The following CALN1 variants were observed in gnomAD, a reference collection of about 807,000 sequenced individuals.
CALN1 encodes the protein calneuron 1.
In CALN1, 17 loss-of-function variants were observed where a neutral mutation model predicts 30.6. The observed-to-expected ratio is 0.56, with a 90% CI of 0.38 to 0.83. The LOEUF is 0.83. Among genes scored for constraint, CALN1 ranks in the 40% least tolerant of loss-of-function variants. The probability of loss-of-function intolerance (pLI) is 0.00; values close to 1 mark genes in which losing one functional copy is unlikely to be tolerated. For synonymous variants in CALN1, 156 were observed against 131.4 expected (o/e 1.19, Z -1.28); for missense variants, 291 against 354.9 (o/e 0.82, Z 1.45).
At chr7:71,829,175 C>G (rs1789113676) in intron 5 of CALN1, among the ~76,000 whole-genome samples, 1 of 152,184 alleles carries the variant, frequency 6.6e-6, no homozygotes, top group Non-Finnish European at 1.5e-5. Context: ...GCAAAATAAA[C>G]TTTCTAAATT....
chr7:71,993,692 A>C (rs2129528021), intron 5 of CALN1, among the ~76,000 whole-genome samples: 1 of 152,186 alleles, frequency 6.6e-6, no homozygotes, highest in South Asian at 2.1e-4. Flanking sequence ...CCTGGGCTCA[A>C]GTAATCCACC....
At chr7:72,051,301 GAA>G (rs1802823712) in intron 4 of CALN1, among the ~76,000 whole-genome samples, 1 of 151,862 alleles carries the variant, frequency 6.6e-6, no homozygotes, top group Non-Finnish European at 1.5e-5. Flanking sequence ...CACAAATACA[GAA>G]GAGATAAAAA....
chr7:72,032,601 G>A (rs1801529627), intron 4 of CALN1, among the ~76,000 whole-genome samples: 2 of 152,216 alleles, frequency 1.3e-5, no homozygotes, highest in East Asian at 3.9e-4. Flanking sequence ...CAAAGTTTGA[G>A]AGTTATAGTA....
intron 5 of CALN1, among the ~76,000 whole-genome samples, chr7:71,835,285 A>G (rs1032293396): frequency 6.6e-6 from 1 of 152,212 alleles, no homozygotes; most frequent in Non-Finnish European, 1.5e-5. Context: ...TGGATAAGTC[A>G]CACTTCCTTC....
intron 3 of CALN1, among the ~76,000 whole-genome samples, chr7:72,252,979 A>T (rs552390503): frequency 1.6e-4 from 25 of 152,172 alleles, no homozygotes; most frequent in Non-Finnish European, 3.2e-4. Context: ...AACTTCACAA[A>T]GTTACTTATT....
chr7:72,330,188 G>A (rs1000103403), intron 2 of CALN1, among the ~76,000 whole-genome samples: 1 of 152,024 alleles, frequency 6.6e-6, no homozygotes, highest in Non-Finnish European at 1.5e-5. Context: ...AGCTACTCCG[G>A]ATGCTGAGGC....
At chr7:71,787,934 G>C in intron 6 of CALN1, 32 bp from the exon 7 acceptor site, 1 of 1,613,704 alleles carries the variant, frequency 6.2e-7, no homozygotes, top group East Asian at 2.2e-5. Context: ...GTGGGAAGAA[G>C]GAAGAGGGGT....
chr7:72,427,678 T>G (rs567683431), intron 1 of CALN1, among the ~76,000 whole-genome samples: 1 of 151,910 alleles, frequency 6.6e-6, no homozygotes, highest in African/African-American at 2.4e-5. Context: ...TTTATTTTTA[T>G]TTTTTTGTAG....
At chr7:72,316,661 G>A (rs540541758) in intron 2 of CALN1, among the ~76,000 whole-genome samples, 1 of 152,052 alleles carries the variant, frequency 6.6e-6, no homozygotes, top group Non-Finnish European at 1.5e-5. Flanking sequence ...TTAGGCCGGG[G>A]GCAGTGTCTC....
chr7:71,999,162 A>T (rs1045743361), intron 5 of CALN1, among the ~76,000 whole-genome samples: 1 of 152,222 alleles, frequency 6.6e-6, no homozygotes, highest in Non-Finnish European at 1.5e-5. Flanking sequence ...TAATTTTAAG[A>T]AGCAGCAGTG....
chr7:72,060,885 C>T (rs1457327771), intron 4 of CALN1, among the ~76,000 whole-genome samples: 4 of 152,176 alleles, frequency 2.6e-5, no homozygotes, highest in Admixed American at 2.6e-4. Flanking sequence ...GTATAGCCTA[C>T]AGAACTGTGA....
intron 5 of CALN1, among the ~76,000 whole-genome samples, chr7:71,842,743 A>G (rs571849784): frequency 6.6e-5 from 10 of 152,286 alleles, no homozygotes; most frequent in African/African-American, 2.2e-4. Context: ...CCTGGCTTTG[A>G]ACCCCATAAC....
chr7:71,922,287 T>C (rs1342131559), intron 5 of CALN1, among the ~76,000 whole-genome samples: 1 of 152,074 alleles, frequency 6.6e-6, no homozygotes, highest in African/African-American at 2.4e-5. Context: ...GGCATGGCAA[T>C]GTGCCTGTAT....
At chr7:72,336,989 C>T (rs947990921) in intron 2 of CALN1, 28 of 985,410 alleles carry the variant, frequency 2.8e-5, no homozygotes, top group African/African-American at 5.2e-5. Context: ...GCCTCCCTGT[C>T]CTTGTCCTCT....
chr7:71,848,410 C>T (rs1389337226), intron 5 of CALN1, among the ~76,000 whole-genome samples: 1 of 152,190 alleles, frequency 6.6e-6, no homozygotes, highest in Non-Finnish European at 1.5e-5. Flanking sequence ...CAAGAAGCAC[C>T]AGCCATTCTG....
chr7:72,019,599 T>C (rs1800590964), intron 5 of CALN1, among the ~76,000 whole-genome samples: 1 of 152,140 alleles, frequency 6.6e-6, no homozygotes, highest in African/African-American at 2.4e-5. Flanking sequence ...GTCTGTGCAG[T>C]AGGGACCTGA....
intron 3 of CALN1, among the ~76,000 whole-genome samples, chr7:72,242,962 G>A (rs956460994): frequency 6.6e-6 from 1 of 152,116 alleles, no homozygotes; most frequent in African/African-American, 2.4e-5. Flanking sequence ...ACTAAAGTTA[G>A]CAAAGACATT....
intron 2 of CALN1, among the ~76,000 whole-genome samples, chr7:72,376,498 A>G: frequency 6.6e-6 from 1 of 152,106 alleles, no homozygotes; most frequent in Non-Finnish European, 1.5e-5. Flanking sequence ...CTTACTGACT[A>G]CTTGTGTATC....
chr7:72,080,582 A>T (rs567146522), intron 4 of CALN1, among the ~76,000 whole-genome samples: 1 of 152,188 alleles, frequency 6.6e-6, no homozygotes, highest in South Asian at 2.1e-4. Context: ...AAGCAGGATA[A>T]GACAGTCCCT....
Sources: allele counts gnomAD v4.1 joint callset (sites outside exome capture counted in the v4.1 genomes callset), GRCh38; gene constraint gnomAD v4.1.1; transcripts MANE v1.5; gene names NCBI Gene and HGNC (gene_info 2026-07-23, HGNC 2026-07-21).